The following STX17 variants were observed in gnomAD, a reference collection of about 807,000 sequenced individuals.
The protein encoded by STX17 is syntaxin-17.
STX17 carries 29 observed loss-of-function variants against 35.9 expected under a neutral mutation model. The observed-to-expected ratio is 0.81, with a 90% CI of 0.60 to 1.10. The LOEUF is 1.10. STX17 is among the 50% of genes least tolerant of loss of function. STX17 has a pLI of 0.00. For synonymous variants in STX17, 92 were observed against 118.3 expected (o/e 0.78, Z 1.44); for missense variants, 312 against 352.3 (o/e 0.89, Z 0.92).
chr9:99,925,524 C>A (rs1313720135), intron 2 of STX17, among the ~76,000 whole-genome samples: 1 of 152,076 alleles, frequency 6.6e-6, no homozygotes, highest in Non-Finnish European at 1.5e-5. Flanking sequence ...TTAAACATTC[C>A]TTCTAGCACA....
At chr9:99,943,685 A>G (rs1031497931) in intron 3 of STX17, among the ~76,000 whole-genome samples, 3 of 152,180 alleles carry the variant, frequency 2.0e-5, no homozygotes, top group African/African-American at 4.8e-5. Flanking sequence ...TTATTGTTTT[A>G]TCTTTTATAT....
At chr9:99,922,836 G>A (rs1240159469) in intron 2 of STX17, among the ~76,000 whole-genome samples, 4 of 152,208 alleles carry the variant, frequency 2.6e-5, no homozygotes, top group South Asian at 2.1e-4. Context: ...CAAACCTGGA[G>A]GGCCATGGTG....
At position 99,957,082 on chromosome 9, in the gene STX17, T is replaced by C. The variant is rs535406201; in HGVS notation, c.416-2835T>C. 3.3e-5 allele frequency among the ~76,000 whole-genome samples: 5 copies of C among 152,192 alleles called. No individual in the cohort carries two copies. The South Asian group carries it at 6.2e-4, about 19-fold the overall frequency. ...TCCTGACCATCTGTAGGCTTATACT[T>C]GTAACTTGTCTTTTACTTCTTGCTT... On this transcript the variant is annotated intron_variant, in intron 4 of 7. Coordinates refer to ENST00000259400, the MANE Select transcript of STX17 (RefSeq NM_017919.3).
chr9:99,916,496 C>T (rs1013814047), intron 2 of STX17, among the ~76,000 whole-genome samples: 1 of 151,530 alleles, frequency 6.6e-6, no homozygotes, highest in African/African-American at 2.4e-5. Flanking sequence ...AGGATATGGT[C>T]ATTAAGCCTT....
In STX17 at chr9:99,967,441, C is replaced by A. The variant is rs150082538; in HGVS notation, c.583-212C>A. 2.4e-3 allele frequency: 982 copies of A among 401,160 alleles called. 11 individuals carry two copies. The highest frequency in any genetic ancestry group is 0.019 in the African/African-American group (925 of 48,958). The allele number at this position is 401,160 out of a possible 1,614,324, so 24.9% of individuals were successfully genotyped here. A position where few individuals can be genotyped will look rare whatever the true frequency, so the allele number is the denominator to read the frequency against. ...ATGCTTTTTGCTGTAAAGTTGCCAC[C>A]CTTTTATTACCTAATAATTAAGACC... On this transcript the variant is annotated intron_variant, in intron 6 of 7. Coordinates refer to ENST00000259400, the MANE Select transcript of STX17 (RefSeq NM_017919.3).
chr9:99,968,005 G>C (rs1302840305), intron 7 of STX17, among the ~76,000 whole-genome samples: 2 of 152,186 alleles, frequency 1.3e-5, no homozygotes, highest in Non-Finnish European at 2.9e-5. Flanking sequence ...TATTTGCAGA[G>C]GGTAAAAGTG....
intron 4 of STX17, among the ~76,000 whole-genome samples, chr9:99,956,554 T>G (rs1467629222): frequency 6.6e-6 from 1 of 152,206 alleles, no homozygotes; most frequent in Non-Finnish European, 1.5e-5. Context: ...AATGAGAGTG[T>G]CTTTATGGCA....
rs565115311 is a variant in STX17 at position 99,930,376 on chromosome 9, TC to T, written c.189+1535del. Among the ~76,000 whole-genome samples the T allele has an allele frequency of 9.2e-4, 139 of 151,904 alleles. 4 individuals carry two copies. In the South Asian group the frequency reaches 0.028, roughly 30 times the overall value. On this transcript the variant is annotated intron_variant, in intron 3 of 7. Transcript: ENST00000259400. ...TCCTCCTCCTGGGTTCACGCCATTC[TC>T]CTGCCTCAGCCTCCCGAGTAGCTGG...
intron 1 of STX17, 146 bp downstream of exon 1, chr9:99,906,852 G>C (rs1828558106): frequency 6.6e-6 from 1 of 152,326 alleles, no homozygotes; most frequent in African/African-American, 2.4e-5. Flanking sequence ...GGCTCCTCCT[G>C]TTTTTCAGAA....
intron 6 of STX17, 169 bp from the exon 7 acceptor site, chr9:99,967,484 A>G: frequency 7.2e-6 from 2 of 277,028 alleles, no homozygotes; most frequent in Non-Finnish European, 1.4e-5. Flanking sequence ...TTTTTTTATG[A>G]AAGTTAATTT....
chr9:99,908,323 C>A (rs189593815), intron 1 of STX17, among the ~76,000 whole-genome samples: 1 of 152,272 alleles, frequency 6.6e-6, no homozygotes, highest in African/African-American at 2.4e-5. Flanking sequence ...AATTTCACAT[C>A]CATTGGTGGA....
At chr9:99,943,821 TAAAG>T (rs961851443) in intron 3 of STX17, among the ~76,000 whole-genome samples, 13 of 152,202 alleles carry the variant, frequency 8.5e-5, no homozygotes, top group African/African-American at 2.4e-4. Flanking sequence ...TGTGCTATCA[TAAAG>T]AGTTAGAGGA....
intron 1 of STX17, among the ~76,000 whole-genome samples, chr9:99,911,683 A>G (rs1282162052): frequency 6.6e-6 from 1 of 152,034 alleles, no homozygotes; most frequent in East Asian, 1.9e-4. Flanking sequence ...TTTAGGGCTC[A>G]AGGGATCTTC....
rs539115582 is a variant in STX17 at position 99,924,707 on chromosome 9, A to G, written c.124-4071A>G. Among the ~76,000 whole-genome samples, 16 of 152,252 alleles carry G rather than the reference A, an allele frequency of 1.1e-4. No individual in the cohort carries two copies. In the East Asian group the frequency reaches 2.9e-3, roughly 28 times the overall value. On this transcript the variant is annotated intron_variant, in intron 2 of 7. Transcript: ENST00000259400. ...GTAGACAATCATGTAATCTGTGAAG[A>G]CAATTTTATTTTTTTCTAGCCTTTG... is the stretch of plus-strand genomic sequence containing the variant.
rs1208340104 is a variant in STX17, at chr9:99,969,586, T to TA, written c.*914dup. 2 of 152,456 alleles carry TA rather than the reference T, an allele frequency of 1.3e-5. No individual in the cohort carries two copies. The highest frequency in any genetic ancestry group is 2.9e-5 in the Non-Finnish European group (2 of 68,018). 9.4% of individuals were successfully genotyped at this position (152,456 alleles called of 1,614,324 possible). A position where few individuals can be genotyped will look rare whatever the true frequency, so the allele number is the denominator to read the frequency against. Reference sequence around the variant, plus strand: ...AATTTCGAGATATTTTCAACATTGTTAGAGTTTGGGCTAAAATGAGCAAGG... The same window carrying TA: ...AATTTCGAGATATTTTCAACATTGTTAAGAGTTTGGGCTAAAATGAGCAAGG... On this transcript the variant is annotated 3_prime_UTR_variant, in exon 8 of 8. Transcript: ENST00000259400.
intron 6 of STX17, among the ~76,000 whole-genome samples, chr9:99,962,603 A>T (rs1829848737): frequency 6.6e-6 from 1 of 152,208 alleles, no homozygotes; most frequent in Non-Finnish European, 1.5e-5. Flanking sequence ...ATAGGCACAT[A>T]AAAGAAATAT....
chr9:99,949,026 G>A (rs1199967306), intron 3 of STX17, among the ~76,000 whole-genome samples: 2 of 152,198 alleles, frequency 1.3e-5, no homozygotes, highest in South Asian at 2.1e-4. Context: ...AAATGGTGGT[G>A]TGTTGGAAAC....
In STX17 at chr9:99,968,593, A is replaced by G; in HGVS notation, c.829A>G (p.Arg277Gly). The change falls in exon 8 of 8, where the codon AGA (arginine) becomes GGA (glycine). Residue 277 changes from arginine to glycine, a missense_variant. By Grantham distance (125) the Arg-to-Gly change is moderately radical. Coordinates refer to ENST00000259400, the MANE Select transcript of STX17 (RefSeq NM_017919.3). ...CTTCACAGGTGGAAAATTGATACAA[A>G]GAAAGAAACAGAAAATGATGGAGAA... The part of the protein sequence containing the change: ...LGFTGGKLIQ[R>G]KKQKMMEKLT... 1 of 1,613,976 alleles carries G rather than the reference A, an allele frequency of 6.2e-7. No individual in the cohort carries two copies. Among genetic ancestry groups the G allele is most frequent in the African/African-American group, 1.3e-5 (1 of 75,010 alleles).
At chr9:99,944,571 A>G (rs1248402134) in intron 3 of STX17, among the ~76,000 whole-genome samples, 4 of 150,322 alleles carry the variant, frequency 2.7e-5, no homozygotes, top group Non-Finnish European at 4.4e-5. Context: ...CTGGAGTGCA[A>G]TGGTGCAATC....
Sources: gnomAD v4.1 joint callset for allele counts (sites outside exome capture counted in the v4.1 genomes callset) on GRCh38, gnomAD v4.1.1 for gene constraint, MANE v1.5 for transcripts, NCBI Gene and HGNC (gene_info 2026-07-23, HGNC 2026-07-21) for gene names.